RIMS3: variants seen among roughly 807,000 people sequenced by gnomAD.
The protein encoded by RIMS3 is regulating synaptic membrane exocytosis 3.
In RIMS3, 15 loss-of-function variants were observed where a neutral mutation model predicts 29.2. The observed-to-expected ratio is 0.51, with a 90% CI of 0.34 to 0.79. The LOEUF is 0.79. RIMS3 is among the 30% of genes least tolerant of loss of function. RIMS3 has a pLI of 0.01. For missense variants in RIMS3, 342 were observed against 421.4 expected, an observed-to-expected ratio of 0.81 and a Z score of 1.65; for synonymous variants, 161 against 170.1, an observed-to-expected ratio of 0.95 and a Z score of 0.41.
chr1:40,685,314 ATAAT>A, the RIMS3 span, among the ~76,000 whole-genome samples: 3 of 17,892 alleles, frequency 1.7e-4, no homozygotes, highest in East Asian at 3.0e-3. Flanking sequence ...ATTAATATAT[ATAAT>A]TATTAATATA....
At chr1:40,660,764 G>A (rs1002397046) in intron 1 of RIMS3, among the ~76,000 whole-genome samples, 1 of 152,210 alleles carries the variant, frequency 6.6e-6, no homozygotes, top group South Asian at 2.1e-4. Context: ...CCGGGAGGTA[G>A]GGAGGGAGGG....
At chr1:40,686,059 G>A in the RIMS3 span, among the ~76,000 whole-genome samples, 1 of 152,164 alleles carries the variant, frequency 6.6e-6, no homozygotes, top group Non-Finnish European at 1.5e-5. Context: ...TAAGGCAGGA[G>A]AATAGCTCGA....
the RIMS3 span, among the ~76,000 whole-genome samples, chr1:40,685,191 T>C: frequency 6.6e-6 from 1 of 151,086 alleles, no homozygotes; most frequent in South Asian, 2.1e-4. Context: ...ATGCATCCTG[T>C]CCTCTTTCCC....
the RIMS3 span, among the ~76,000 whole-genome samples, chr1:40,688,060 G>A: frequency 6.6e-6 from 1 of 152,164 alleles, no homozygotes; most frequent in Non-Finnish European, 1.5e-5. Flanking sequence ...TGCCTCCCAG[G>A]TTCAAGTGAT....
chr1:40,651,047 A>C (rs1038573673), intron 1 of RIMS3, among the ~76,000 whole-genome samples: 3 of 152,072 alleles, frequency 2.0e-5, no homozygotes, highest in Admixed American at 6.5e-5. Context: ...TTCCTAGGAC[A>C]GTCTTCCCAG....
chr1:40,666,918 G>A (rs558538931), upstream of RIMS3, among the ~76,000 whole-genome samples: 3 of 152,174 alleles, frequency 2.0e-5, no homozygotes, highest in South Asian at 4.1e-4. Flanking sequence ...CCAGCTACTC[G>A]GGAGGCTGAG....
At position 40,654,862 on chromosome 1, in the gene RIMS3, A is replaced by G. The variant is rs1642252305; in HGVS notation, c.-206-7020T>C. Among the ~76,000 whole-genome samples the G allele has an allele frequency of 6.6e-6, 1 of 152,052 alleles. No homozygotes were observed. The highest frequency in any genetic ancestry group is 2.1e-4 in the South Asian group (1 of 4,830). The stretch of plus-strand genomic sequence containing the variant: ...CTTAAACTCTCTCATACATACACAC[A>G]CACATTATGCCTTCACAGAGATCCT... On this transcript the variant is annotated intron_variant, in intron 1 of 7. Coordinates refer to ENST00000372684, the MANE Select transcript of RIMS3 (RefSeq NM_014747.3). The surrounding 1 kb of genome is among the most constrained non-coding windows in gnomAD (Gnocchi z 5.3).
chr1:40,629,011 T>C (rs1646471565), intron 6 of RIMS3, 62 bp from the exon 7 acceptor site: 2 of 1,596,050 alleles, frequency 1.3e-6, no homozygotes, highest in Non-Finnish European at 8.6e-7. Flanking sequence ...GGCCTGCCCA[T>C]CCCCTAACTG....
At chr1:40,638,331 G>A (rs756432296) in intron 3 of RIMS3, among the ~76,000 whole-genome samples, 2 of 152,120 alleles carry the variant, frequency 1.3e-5, no homozygotes, top group Non-Finnish European at 2.9e-5. Flanking sequence ...TCTCAGAGAC[G>A]ATCCCTCCAC....
chr1:40,686,668 C>CA, the RIMS3 span, among the ~76,000 whole-genome samples: 6 of 151,618 alleles, frequency 4.0e-5, no homozygotes, highest in African/African-American at 1.5e-4. Flanking sequence ...AAAACAAAAA[C>CA]AAAAAAAACC....
chr1:40,685,024 T>C, the RIMS3 span, among the ~76,000 whole-genome samples: 1 of 152,038 alleles, frequency 6.6e-6, no homozygotes, highest in Non-Finnish European at 1.5e-5. Flanking sequence ...ATGTCTGTTG[T>C]TGAGGTGGAC....
Position 40,626,813 on chromosome 1 carries a change from G to T in RIMS3, c.715-84C>A, listed in dbSNP as rs1646457750. ...CAGGCCTAGGAACCTACACGTTTCAGCAGGGCACAGATGGAGCAGAGGGAG... is the reference window on the plus strand; with the variant it reads ...CAGGCCTAGGAACCTACACGTTTCATCAGGGCACAGATGGAGCAGAGGGAG... On this transcript the variant is annotated intron_variant, in intron 7 of 7. Transcript: ENST00000372684. The T allele has an allele frequency of 8.8e-6, 11 of 1,255,254 alleles. No individual in the cohort carries two copies. The South Asian group carries it at 1.1e-4, about 12-fold the overall frequency. The allele number at this position is 1,255,254 out of a possible 1,614,324, so 77.8% of individuals were successfully genotyped here. A position where few individuals can be genotyped will look rare whatever the true frequency, so the allele number is the denominator to read the frequency against.
chr1:40,631,376 A>G (rs1373835088), intron 5 of RIMS3, among the ~76,000 whole-genome samples: 1 of 152,154 alleles, frequency 6.6e-6, no homozygotes, highest in Non-Finnish European at 1.5e-5. Context: ...CCTCGCCCCC[A>G]CCCAGGGATA....
chr1:40,650,467 T>G (rs1160118647), intron 1 of RIMS3, among the ~76,000 whole-genome samples: 1 of 152,198 alleles, frequency 6.6e-6, no homozygotes, highest in Non-Finnish European at 1.5e-5. Flanking sequence ...CACAAGCCCA[T>G]GTGAACTGGG....
intron 2 of RIMS3, among the ~76,000 whole-genome samples, chr1:40,647,339 C>T (rs564817393): frequency 6.6e-6 from 1 of 152,154 alleles, no homozygotes; most frequent in Non-Finnish European, 1.5e-5. Flanking sequence ...CCCTCCCCAT[C>T]CTCTACTCAC....
chr1:40,686,800 G>C, the RIMS3 span, among the ~76,000 whole-genome samples: 1 of 152,174 alleles, frequency 6.6e-6, no homozygotes, highest in South Asian at 2.1e-4. Context: ...TGCTGATGAT[G>C]TGTTCAGGCC....
chr1:40,686,148 T>C, the RIMS3 span, among the ~76,000 whole-genome samples: 1 of 150,852 alleles, frequency 6.6e-6, no homozygotes, highest in Non-Finnish European at 1.5e-5. Flanking sequence ...AAACTCTGTC[T>C]CAAAAGAAAA....
chr1:40,682,739 A>ATTTTTTTTTTTTTTTTTTTTTTTT, the RIMS3 span, among the ~76,000 whole-genome samples: 1 of 46,480 alleles, frequency 2.2e-5, no homozygotes, highest in Non-Finnish European at 4.4e-5. Context: ...CCCTTTGCAG[A>ATTTTTTTTTTTTTTTTTTTTTTTT]TCTTTTTTTT....
chr1:40,689,931 A>G, the RIMS3 span, among the ~76,000 whole-genome samples: 1 of 152,212 alleles, frequency 6.6e-6, no homozygotes, highest in Non-Finnish European at 1.5e-5. Flanking sequence ...CACCTAGCAC[A>G]GACGTATACC....
Sources: allele counts gnomAD v4.1 joint callset (sites outside exome capture counted in the v4.1 genomes callset), GRCh38; gene constraint gnomAD v4.1.1; non-coding constraint Gnocchi (gnomAD v3.1); transcripts MANE v1.5; gene names NCBI Gene and HGNC (gene_info 2026-07-23, HGNC 2026-07-21).